Variants in TMC1 observed in about 807,000 individuals in gnomAD.
TMC1 encodes the protein transmembrane channel like 1, also known as transmembrane channel-like protein 1.
TMC1 carries 84 observed loss-of-function variants against 105.8 expected under a neutral mutation model. The ratio of observed to expected loss-of-function variants is 0.79; its 90% CI spans 0.67 to 0.95. The LOEUF (loss-of-function observed/expected upper bound fraction) is 0.95, where lower values mean the gene tolerates loss of function less well. TMC1 is among the 40% of genes least tolerant of loss of function. TMC1 has a pLI of 0.00. For synonymous variants in TMC1, 315 were observed against 311.5 expected, an observed-to-expected ratio of 1.01 and a Z score of -0.12; for missense variants, 817 against 914.1, an observed-to-expected ratio of 0.89 and a Z score of 1.37.
chr9:72,689,595 G>T (rs1826432809), intron 6 of TMC1, among the ~76,000 whole-genome samples: 1 of 151,882 alleles, frequency 6.6e-6, no homozygotes, highest in African/African-American at 2.4e-5. Context: ...TCTTGAGTTT[G>T]GTTAATGTTT....
chr9:72,595,472 T>C (rs2132108447), intron 2 of TMC1, among the ~76,000 whole-genome samples: 1 of 152,286 alleles, frequency 6.6e-6, no homozygotes, highest in South Asian at 2.1e-4. Context: ...ATTTATTCCT[T>C]ACATAATTAC....
intron 12 of TMC1, among the ~76,000 whole-genome samples, chr9:72,756,248 G>T (rs921350305): frequency 2.0e-5 from 3 of 152,080 alleles, no homozygotes; most frequent in African/African-American, 7.2e-5. Context: ...TGACTTCAGG[G>T]TACTCGTGAT....
intron 18 of TMC1, among the ~76,000 whole-genome samples, chr9:72,806,327 G>A (rs1324981668): frequency 2.0e-5 from 3 of 148,782 alleles, no homozygotes; most frequent in East Asian, 2.0e-4. Context: ...CCTCCTGGAC[G>A]GGGCGGCTGG....
At chr9:72,764,863 C>A (rs1016403434) in intron 12 of TMC1, among the ~76,000 whole-genome samples, 8 of 152,126 alleles carry the variant, frequency 5.3e-5, no homozygotes, top group African/African-American at 1.9e-4. Flanking sequence ...ATTGGATATG[C>A]AAACAAACAA....
Position 72,830,619 on chromosome 9 carries a change from T to C in TMC1, c.2209-12T>C. On this transcript the variant is annotated splice_polypyrimidine_tract_variant and intron_variant, in intron 22 of 23. Transcript: ENST00000297784. ...GAAATCTACTTTTTTCCCCTTATTT[T>C]TTATTGTGTAGCAAGCTTTGGAGAA... The C allele has an allele frequency of 6.2e-7, 1 of 1,613,554 alleles. No individual in the cohort carries two copies. The highest frequency in any genetic ancestry group is 8.5e-7 in the Non-Finnish European group (1 of 1,179,684).
intron 1 of TMC1, among the ~76,000 whole-genome samples, chr9:72,540,315 C>T (rs1043778530): frequency 6.6e-6 from 1 of 152,192 alleles, no homozygotes; most frequent in African/African-American, 2.4e-5. Context: ...GTACTCTAAG[C>T]AGTCATGCTC....
chr9:72,608,779 T>TAA (rs1295168279), intron 2 of TMC1, among the ~76,000 whole-genome samples: 17 of 152,104 alleles, frequency 1.1e-4, no homozygotes, highest in Non-Finnish European at 4.4e-5. Flanking sequence ...TACGTATGGT[T>TAA]TAGTCCTTTA....
At chr9:72,760,550 T>C (rs563234897) in intron 12 of TMC1, among the ~76,000 whole-genome samples, 2 of 152,130 alleles carry the variant, frequency 1.3e-5, no homozygotes, top group African/African-American at 4.8e-5. Context: ...TATGAAAACA[T>C]TTGGATCCAC....
chr9:72,539,982 G>A (rs1423971107), intron 1 of TMC1, among the ~76,000 whole-genome samples: 4 of 152,212 alleles, frequency 2.6e-5, no homozygotes, highest in Non-Finnish European at 5.9e-5. Context: ...TCCATGTGCA[G>A]AGATCACATG....
At chr9:72,745,450 A>T (rs1827474683) in intron 10 of TMC1, among the ~76,000 whole-genome samples, 1 of 152,118 alleles carries the variant, frequency 6.6e-6, no homozygotes, top group Non-Finnish European at 1.5e-5. Flanking sequence ...CGATGGCAGG[A>T]TGAGTAGTTA....
At chr9:72,558,593 A>T (rs1398120294) in intron 1 of TMC1, among the ~76,000 whole-genome samples, 5 of 152,202 alleles carry the variant, frequency 3.3e-5, no homozygotes, top group Non-Finnish European at 7.3e-5. Context: ...ATCTGTTACC[A>T]CTTGCCATTT....
chr9:72,632,982 G>GCT (rs1466803052), intron 4 of TMC1, among the ~76,000 whole-genome samples: 3 of 151,382 alleles, frequency 2.0e-5, no homozygotes, highest in Admixed American at 2.0e-4. Context: ...AGAGGTAGAA[G>GCT]CTCTCTAACA....
chr9:72,599,599 CAG>C (rs1440106953), intron 2 of TMC1, among the ~76,000 whole-genome samples: 2 of 151,786 alleles, frequency 1.3e-5, no homozygotes, highest in East Asian at 3.9e-4. Context: ...TTTGGTGAGA[CAG>C]AGTTCAAGAC....
At chr9:72,522,797 A>G (rs1823336778) in intron 1 of TMC1, among the ~76,000 whole-genome samples, 2 of 152,236 alleles carry the variant, frequency 1.3e-5, no homozygotes, top group Admixed American at 1.3e-4. Context: ...GAGCTGCTGG[A>G]ACAGCGCTGA....
At chr9:72,792,438 A>T in intron 17 of TMC1, 86 bp downstream of exon 17, 2 of 1,524,752 alleles carry the variant, frequency 1.3e-6, no homozygotes, top group Non-Finnish European at 1.8e-6. Flanking sequence ...CTTTTAAAAA[A>T]TTGCTTATTA....
intron 23 of TMC1, among the ~76,000 whole-genome samples, chr9:72,834,081 T>G (rs1056488414): frequency 9.2e-5 from 14 of 152,024 alleles, no homozygotes; most frequent in Admixed American, 5.9e-4. Flanking sequence ...TTAAATTCCC[T>G]TTGTCTCTTT....
At chr9:72,595,268 T>A (rs1490959207) in intron 2 of TMC1, among the ~76,000 whole-genome samples, 1 of 152,200 alleles carries the variant, frequency 6.6e-6, no homozygotes, top group Non-Finnish European at 1.5e-5. Flanking sequence ...TCTGGTGTCC[T>A]CACTAGACAG....
chr9:72,798,039 A>G (rs764873206), intron 17 of TMC1, among the ~76,000 whole-genome samples: 6 of 152,246 alleles, frequency 3.9e-5, no homozygotes, highest in Non-Finnish European at 7.4e-5. Context: ...ACTGGATCCC[A>G]TTAAAAAGTG....
chr9:72,581,956 C>A (rs981587282), intron 2 of TMC1, among the ~76,000 whole-genome samples: 2 of 152,060 alleles, frequency 1.3e-5, no homozygotes, highest in Non-Finnish European at 2.9e-5. Context: ...GAAATGATAG[C>A]ATCTTTTTTT....
Sources: allele counts gnomAD v4.1 joint callset (sites outside exome capture counted in the v4.1 genomes callset), GRCh38; gene constraint gnomAD v4.1.1; transcripts MANE v1.5; gene names NCBI Gene and HGNC (gene_info 2026-07-23, HGNC 2026-07-21).